The following PDCD10 variants were observed in gnomAD, a reference collection of about 807,000 sequenced individuals.
PDCD10 encodes the protein programmed cell death 10.
In PDCD10, 4 loss-of-function variants were observed where a neutral mutation model predicts 29.2. The ratio of observed to expected loss-of-function variants is 0.14; its 90% CI spans 0.07 to 0.31. The LOEUF is 0.31. Among genes scored for constraint, PDCD10 ranks in the 10% least tolerant of loss-of-function variants. The pLI, the probability that PDCD10 is intolerant of heterozygous loss-of-function variation, is 1.00. For missense variants in PDCD10, 183 were observed against 257.9 expected (o/e 0.71, Z 1.99); for synonymous variants, 70 against 82.2 (o/e 0.85, Z 0.80).
At chr3:167,719,019 T>C (rs1361672439) in intron 3 of PDCD10, among the ~76,000 whole-genome samples, 1 of 152,118 alleles carries the variant, frequency 6.6e-6, no homozygotes, top group Non-Finnish European at 1.5e-5. Context: ...TCTGTGGCTT[T>C]CATGGCAACG....
intron 4 of PDCD10, among the ~76,000 whole-genome samples, chr3:167,701,140 C>A (rs952412500): frequency 4.8e-4 from 73 of 152,188 alleles, no homozygotes; most frequent in Admixed American, 1.6e-3. Flanking sequence ...CAAAGAGAAC[C>A]CTTGTTCTAG....
In PDCD10 at chr3:167,696,804, A is replaced by C. The variant is rs554410063; in HGVS notation, c.268+205T>G. On this transcript the variant is annotated intron_variant, in intron 5 of 8. Transcript: ENST00000392750. ...AAGTTCAAGTAATTAAATCTCACAA[A>C]TATAAAAAGCAAGAAAAACCATTTT... Among the ~76,000 whole-genome samples, 13 of 152,290 alleles carry C rather than the reference A, an allele frequency of 8.5e-5. No individual in the cohort carries two copies. In the South Asian group the frequency reaches 1.2e-3, roughly 15 times the overall value.
At chr3:167,701,258 T>A (rs1318164733) in intron 4 of PDCD10, among the ~76,000 whole-genome samples, 1 of 152,192 alleles carries the variant, frequency 6.6e-6, no homozygotes, top group Middle Eastern at 3.2e-3. Flanking sequence ...GAGATACCTA[T>A]ATATCTCTAT....
At chr3:167,697,765 T>C (rs1720962742) in intron 4 of PDCD10, 1 of 284,288 alleles carries the variant, frequency 3.5e-6, no homozygotes, top group African/African-American at 2.2e-5. Flanking sequence ...TTCATTGAGT[T>C]TGCATTGGTT....
chr3:167,726,113 TG>T (rs1169598648), intron 2 of PDCD10, among the ~76,000 whole-genome samples: 4 of 133,242 alleles, frequency 3.0e-5, no homozygotes, highest in East Asian at 4.3e-4. Flanking sequence ...TGTAGAGTAC[TG>T]TTTTTTTTTT....
At chr3:167,710,037 C>A (rs557155724) in intron 3 of PDCD10, among the ~76,000 whole-genome samples, 1 of 152,068 alleles carries the variant, frequency 6.6e-6, no homozygotes. Context: ...CAGGATTCAT[C>A]GCCTGCTGAC....
intron 3 of PDCD10, among the ~76,000 whole-genome samples, chr3:167,706,519 G>C (rs1422438062): frequency 6.6e-6 from 1 of 151,362 alleles, no homozygotes; most frequent in Non-Finnish European, 1.5e-5. Flanking sequence ...ATAGGCAACT[G>C]TAACACTATG....
chr3:167,731,519 C>A (rs1272029645), intron 2 of PDCD10, among the ~76,000 whole-genome samples: 2 of 152,192 alleles, frequency 1.3e-5, no homozygotes, highest in African/African-American at 4.8e-5. Flanking sequence ...ATACTTCAAT[C>A]CAGAAAGCAT....
chr3:167,714,402 C>CTGTCACCG (rs541395946), intron 3 of PDCD10, among the ~76,000 whole-genome samples: 62 of 152,012 alleles, frequency 4.1e-4, no homozygotes, highest in African/African-American at 1.3e-3. Flanking sequence ...AGGATGCCCA[C>CTGTCACCG]TGTCACCGTT....
At chr3:167,716,328 C>T (rs1017948719) in intron 3 of PDCD10, among the ~76,000 whole-genome samples, 6 of 151,780 alleles carry the variant, frequency 4.0e-5, no homozygotes, top group South Asian at 4.1e-4. Flanking sequence ...ATAGGAATAA[C>T]GAATAAGACC....
intron 3 of PDCD10, among the ~76,000 whole-genome samples, chr3:167,717,866 T>C (rs1723173970): frequency 6.6e-6 from 1 of 152,250 alleles, no homozygotes; most frequent in Admixed American, 6.6e-5. Flanking sequence ...TTGAGAATTA[T>C]GCAAGAAAAA....
intron 4 of PDCD10, among the ~76,000 whole-genome samples, chr3:167,700,103 T>C (rs1198579668): frequency 3.9e-5 from 6 of 152,156 alleles, no homozygotes; most frequent in Non-Finnish European, 1.5e-5. Flanking sequence ...ACAGATGCAA[T>C]ATTAAATCAT....
intron 3 of PDCD10, among the ~76,000 whole-genome samples, chr3:167,714,506 T>C (rs986018037): frequency 2.0e-5 from 3 of 152,018 alleles, no homozygotes; most frequent in African/African-American, 7.2e-5. Context: ...AGTCAAATTA[T>C]CCTTGTTTGT....
intron 2 of PDCD10, among the ~76,000 whole-genome samples, chr3:167,721,279 G>A (rs1320585743): frequency 6.6e-6 from 1 of 152,024 alleles, no homozygotes; most frequent in Non-Finnish European, 1.5e-5. Context: ...TGTAAAGCAG[G>A]CTCAGAGATA....
chr3:167,690,000 G>GA (rs1720044337), intron 6 of PDCD10, among the ~76,000 whole-genome samples: 1 of 152,112 alleles, frequency 6.6e-6, no homozygotes. Flanking sequence ...TCCTACGAGA[G>GA]AAAATACCAG....
chr3:167,721,776 A>G (rs1723596879), intron 2 of PDCD10, among the ~76,000 whole-genome samples: 1 of 152,192 alleles, frequency 6.6e-6, no homozygotes, highest in South Asian at 2.1e-4. Context: ...GCAAAAGGCG[A>G]ATTCCTGAAT....
At chr3:167,719,153 T>G (rs1723323680) in intron 3 of PDCD10, among the ~76,000 whole-genome samples, 1 of 152,084 alleles carries the variant, frequency 6.6e-6, no homozygotes. Context: ...ATGAAAGTAT[T>G]TTACAAAGAG....
At chr3:167,715,920 G>A (rs956199055) in intron 3 of PDCD10, among the ~76,000 whole-genome samples, 1 of 151,926 alleles carries the variant, frequency 6.6e-6, no homozygotes, top group Non-Finnish European at 1.5e-5. Flanking sequence ...CCAATGCTGG[G>A]TATATAGCCA....
intron 2 of PDCD10, among the ~76,000 whole-genome samples, chr3:167,728,085 T>C (rs957702376): frequency 6.6e-6 from 1 of 152,212 alleles, no homozygotes; most frequent in Non-Finnish European, 1.5e-5. Context: ...GTTCCTCCTG[T>C]AACCTTCACT....
Sources: gnomAD v4.1 joint callset for allele counts (sites outside exome capture counted in the v4.1 genomes callset) on GRCh38, gnomAD v4.1.1 for gene constraint, MANE v1.5 for transcripts, NCBI Gene and HGNC (gene_info 2026-07-23, HGNC 2026-07-21) for gene names.